CECR2: variants seen among roughly 807,000 people sequenced by gnomAD.
CECR2 encodes the protein CECR2 histone acetyl-lysine reader.
CECR2 carries 30 observed loss-of-function variants against 154.5 expected under a neutral mutation model. The observed-to-expected ratio is 0.19, with a 90% CI of 0.15 to 0.26. The LOEUF (loss-of-function observed/expected upper bound fraction) is 0.26. Among genes scored for constraint, CECR2 ranks in the 10% least tolerant of loss-of-function variants. The pLI, the probability that CECR2 is intolerant of heterozygous loss-of-function variation, is 1.00. For missense variants in CECR2, 1,743 were observed against 1,829.3 expected, an observed-to-expected ratio of 0.95 and a Z score of 0.86; for synonymous variants, 725 against 683.7, an observed-to-expected ratio of 1.06 and a Z score of -0.94.
chr22:17,461,547 T>C (rs2054937701), intron 1 of CECR2, among the ~76,000 whole-genome samples: 1 of 152,106 alleles, frequency 6.6e-6, no homozygotes, highest in Non-Finnish European at 1.5e-5. Flanking sequence ...TGGCGAGGAG[T>C]TTGATGGCTT....
At chr22:17,510,837 C>T (rs2055934201) in intron 7 of CECR2, among the ~76,000 whole-genome samples, 1 of 152,166 alleles carries the variant, frequency 6.6e-6, no homozygotes, top group Non-Finnish European at 1.5e-5. Context: ...GATCTCCTGA[C>T]TTCGTGATCC....
In CECR2 at chr22:17,479,363, A is replaced by C. The variant is rs1485446839; in HGVS notation, c.221+1681A>C. Among the ~76,000 whole-genome samples, 5 of 152,316 alleles carry C rather than the reference A, an allele frequency of 3.3e-5. No homozygotes were observed. In the East Asian group the frequency reaches 9.6e-4, roughly 29 times the overall value. On this transcript the variant is annotated intron_variant, in intron 2 of 18. Coordinates refer to ENST00000262608, the MANE Select transcript of CECR2 (RefSeq NM_001290047.2). ...TACTGGCAGCACAAACACTCACCAG[A>C]TCTCTTAGAGTTCACAGTTGTGACA... is the stretch of plus-strand genomic sequence containing the variant.
At chr22:17,453,234 G>T (rs933271565) in intron 1 of CECR2, among the ~76,000 whole-genome samples, 2 of 152,124 alleles carry the variant, frequency 1.3e-5, no homozygotes, top group African/African-American at 4.8e-5. Context: ...CTGAGGTCGG[G>T]AGTTCAAAAC....
chr22:17,415,521 C>CGT (rs2054144861), intron 1 of CECR2, among the ~76,000 whole-genome samples: 1 of 152,184 alleles, frequency 6.6e-6, no homozygotes, highest in South Asian at 2.1e-4. Context: ...GGATTACAGG[C>CGT]GTGAGCCACG....
chr22:17,395,272 C>G (rs983322441), intron 1 of CECR2, among the ~76,000 whole-genome samples: 1 of 152,148 alleles, frequency 6.6e-6, no homozygotes, highest in South Asian at 2.1e-4. Flanking sequence ...AAGGAATCCA[C>G]CCACCTCTGC....
rs781738400 is a variant in CECR2, at chr22:17,505,007, C to G, written c.861C>G (p.Ile287Met). Residue 287 changes from isoleucine to methionine, a missense_variant, in exon 7 of 19, where the codon ATC becomes ATG. This residue lies in a region of CECR2 where 292 missense variants were observed against 301.2 expected (regional missense o/e 0.97). Transcript: ENST00000262608. ...EDFLPEICNMIAQKGKRPQRT... is the reference protein window; with the variant it reads ...EDFLPEICNMMAQKGKRPQRT... ...TCCTGCCTGAGATCTGCAACATGAT[C>G]GCCCAGAAGGTGCGCCACACTCTCT... 4.3e-6 allele frequency: 7 copies of G among 1,613,316 alleles called. No homozygotes were observed. In the South Asian group the frequency reaches 6.6e-5, roughly 15 times the overall value.
chr22:17,510,840 C>T (rs190750769), intron 7 of CECR2, among the ~76,000 whole-genome samples: 79 of 152,200 alleles, frequency 5.2e-4, no homozygotes, highest in African/African-American at 1.9e-3. Context: ...CTCCTGACTT[C>T]GTGATCCGCT....
chr22:17,516,253 TTA>T (rs2056052289), intron 8 of CECR2, among the ~76,000 whole-genome samples: 1 of 150,776 alleles, frequency 6.6e-6, no homozygotes, highest in Middle Eastern at 3.2e-3. Flanking sequence ...ATATTTACAG[TTA>T]TGTACATACA....
intron 2 of CECR2, among the ~76,000 whole-genome samples, chr22:17,478,705 A>G (rs1320695739): frequency 6.6e-6 from 1 of 152,124 alleles, no homozygotes; most frequent in Non-Finnish European, 1.5e-5. Context: ...GGGCTGGGAA[A>G]CGATGCTTGT....
intron 9 of CECR2, among the ~76,000 whole-genome samples, chr22:17,528,345 T>C (rs2056299366): frequency 6.6e-6 from 1 of 152,004 alleles, no homozygotes; most frequent in South Asian, 2.1e-4. Flanking sequence ...ACTTGTGGGA[T>C]CTAAAAATCA....
chr22:17,509,274 G>A (rs1384958319), intron 7 of CECR2, among the ~76,000 whole-genome samples: 1 of 152,082 alleles, frequency 6.6e-6, no homozygotes, highest in Non-Finnish European at 1.5e-5. Flanking sequence ...GTGTGTAATG[G>A]AGGCACAAGA....
intron 6 of CECR2, among the ~76,000 whole-genome samples, chr22:17,503,818 G>A (rs1440794963): frequency 6.7e-6 from 1 of 150,282 alleles, no homozygotes; most frequent in Non-Finnish European, 1.5e-5. Flanking sequence ...AGGTCGAGGT[G>A]GATGGATCAC....
intron 6 of CECR2, among the ~76,000 whole-genome samples, chr22:17,504,267 G>T (rs893422022): frequency 6.6e-6 from 1 of 151,614 alleles, no homozygotes; most frequent in Admixed American, 6.6e-5. Flanking sequence ...CAGCTACTTG[G>T]GGGGTGCTGA....
intron 1 of CECR2, among the ~76,000 whole-genome samples, chr22:17,476,655 T>C (rs1175165518): frequency 3.9e-5 from 6 of 152,148 alleles, no homozygotes; most frequent in Non-Finnish European, 1.5e-5. Context: ...TTGTCAGAAG[T>C]TTGGTTTTTC....
At chr22:17,500,997 C>G (rs1301973298) in intron 5 of CECR2, among the ~76,000 whole-genome samples, 1 of 152,158 alleles carries the variant, frequency 6.6e-6, no homozygotes, top group Non-Finnish European at 1.5e-5. Context: ...TTGAACAAGA[C>G]AGTTTTTTTC....
rs943406357 is a variant in CECR2 at position 17,555,120 on chromosome 22, C to T, written c.*2280C>T. On this transcript the variant is annotated 3_prime_UTR_variant, in exon 19 of 19. Coordinates refer to ENST00000262608, the MANE Select transcript of CECR2 (RefSeq NM_001290047.2). ...GGCCATTGCCCCCTTTCCTTCTGCC[C>T]TCGTGGTCCTTGAGCAGTTGTGTGC... 23 of 152,280 alleles carry T rather than the reference C, an allele frequency of 1.5e-4. No individual in the cohort carries two copies. Among genetic ancestry groups the T allele is most frequent in the African/African-American group, 5.6e-4 (23 of 41,428 alleles). The allele number at this position is 152,280 out of a possible 1,614,324, so 9.4% of individuals were successfully genotyped here. A position where few individuals can be genotyped will look rare whatever the true frequency, so the allele number is the denominator to read the frequency against.
intron 1 of CECR2, among the ~76,000 whole-genome samples, chr22:17,377,975 C>T (rs1290168740): frequency 3.9e-5 from 6 of 151,954 alleles, no homozygotes; most frequent in African/African-American, 1.4e-4. Context: ...ATGTTATATG[C>T]GTTTTGTTTT....
intron 2 of CECR2, among the ~76,000 whole-genome samples, chr22:17,482,432 C>T (rs568230996): frequency 3.3e-5 from 5 of 152,256 alleles, no homozygotes; most frequent in Admixed American, 1.3e-4. Flanking sequence ...TAGCATATAC[C>T]GTCATGTACA....
chr22:17,396,640 A>G (rs1263787240), intron 1 of CECR2, among the ~76,000 whole-genome samples: 1 of 152,238 alleles, frequency 6.6e-6, no homozygotes, highest in African/African-American at 2.4e-5. Flanking sequence ...ACTGTTTGAA[A>G]ATTGCTGTGG....
Sources: gnomAD v4.1 joint callset for allele counts (sites outside exome capture counted in the v4.1 genomes callset) on GRCh38, gnomAD v4.1.1 for gene constraint, gnomAD v4.1.1 regional missense constraint, MANE v1.5 for transcripts, NCBI Gene and HGNC (gene_info 2026-07-23, HGNC 2026-07-21) for gene names.